The following MTFR1 variants were observed in gnomAD, a reference collection of about 807,000 sequenced individuals.
The protein encoded by MTFR1 is mitochondrial fission regulator 1, also known as chondrocyte protein with a poly-proline region.
In MTFR1, 28 loss-of-function variants were observed where a neutral mutation model predicts 38.8. The ratio of observed to expected loss-of-function variants is 0.72; its 90% CI spans 0.53 to 0.99. The LOEUF is 0.99. MTFR1 is among the 50% of genes least tolerant of loss of function. The pLI, the probability that MTFR1 is intolerant of heterozygous loss-of-function variation, is 0.00. For synonymous variants in MTFR1, 145 were observed against 137.0 expected (o/e 1.06, Z -0.41); for missense variants, 358 against 395.5 (o/e 0.91, Z 0.81).
At chr8:65,651,963 A>AT (rs142634799) in intron 1 of MTFR1, among the ~76,000 whole-genome samples, 25,776 of 142,066 alleles carry the variant, frequency 0.18, 2,380 homozygotes, top group Middle Eastern at 0.23. Flanking sequence ...GCCCCCTTTA[A>AT]TTTTTTTTTT....
intron 2 of MTFR1, among the ~76,000 whole-genome samples, chr8:65,680,016 G>A (rs1257101386): frequency 6.6e-6 from 1 of 152,158 alleles, no homozygotes; most frequent in African/African-American, 2.4e-5. Context: ...ATTGGAGTCA[G>A]TATAGGTTAT....
At chr8:65,666,274 G>T (rs959199528) in intron 1 of MTFR1, among the ~76,000 whole-genome samples, 10 of 148,738 alleles carry the variant, frequency 6.7e-5, no homozygotes, top group African/African-American at 2.5e-4. Context: ...GGGTGTGGTG[G>T]CGCATGCCTG....
In MTFR1 at chr8:65,704,801, T is replaced by C. The variant is rs1805729635; in HGVS notation, c.389T>C (p.Leu130Pro). The part of the protein sequence containing the change: ...LPDLSQEEPQ[L>P]KTPALANEEA... ...GACTTGTCTCAAGAAGAGCCTCAGC[T>C]GAAGACCCCAGCGCTGGCAAATGAG... Residue 130 changes from leucine (L) to proline (P), a missense_variant, in exon 5 of 8, where the codon CTG becomes CCG. Physicochemically the swap from Leu to Pro is moderately conservative, Grantham distance 98. Transcript: ENST00000262146. 1.9e-6 allele frequency: 3 copies of C among 1,614,120 alleles called. No homozygotes were observed. In the South Asian group the frequency reaches 3.3e-5, roughly 18 times the overall value.
chr8:65,663,817 C>T (rs1186338182), intron 1 of MTFR1, among the ~76,000 whole-genome samples: 77 of 96,154 alleles, frequency 8.0e-4, no homozygotes, highest in Admixed American at 2.4e-3. Flanking sequence ...TTTTTAATTT[C>T]TTTTCTTTTT....
In MTFR1 at chr8:65,724,415, C is replaced by G. The variant is rs1011121362; in HGVS notation, c.*48+4934C>G. The G allele has an allele frequency of 8.8e-5, 94 of 1,063,244 alleles. 1 individual carries two copies. The highest frequency in any genetic ancestry group is 1.2e-4 in the Non-Finnish European group (87 of 698,616). The allele number at this position is 1,063,244 out of a possible 1,614,324, so 65.9% of individuals were successfully genotyped here. A position where few individuals can be genotyped will look rare whatever the true frequency, so the allele number is the denominator to read the frequency against. On this transcript the variant is annotated intron_variant, in intron 3 of 3. Coordinates refer to the MTFR1 transcript ENST00000521247. ...CACACTTGACAATAATACCAAAGAA[C>G]CAAGTGCAAGGACTGGATTAACCAT...
chr8:65,647,516 G>A (rs1330504523), intron 1 of MTFR1, among the ~76,000 whole-genome samples: 4 of 152,128 alleles, frequency 2.6e-5, no homozygotes, highest in Admixed American at 6.6e-5. Context: ...CACCATGTTG[G>A]CCAGGCTGGT....
intron 1 of MTFR1, among the ~76,000 whole-genome samples, chr8:65,668,184 CT>C (rs200290743): frequency 0.028 from 3,068 of 109,136 alleles, 85 homozygotes; most frequent in African/African-American, 0.093. Flanking sequence ...TTTTTTTTTT[CT>C]TTTTTTTTTT....
At chr8:65,716,162 AAC>A (rs1211323246) in intron 2 of MTFR1, among the ~76,000 whole-genome samples, 2 of 151,422 alleles carry the variant, frequency 1.3e-5, no homozygotes, top group African/African-American at 4.9e-5. Context: ...AAAAAAAAAA[AAC>A]AAAAGGGCTA....
intron 3 of MTFR1, chr8:65,682,701 A>C (rs1472632319): frequency 1.1e-6 from 1 of 893,972 alleles, no homozygotes. Context: ...GCATATAATA[A>C]GCTAAGCAGT....
At chr8:65,695,123 A>C (rs1400116899) in intron 4 of MTFR1, among the ~76,000 whole-genome samples, 1 of 152,232 alleles carries the variant, frequency 6.6e-6, no homozygotes, top group Non-Finnish European at 1.5e-5. Context: ...GAAGAATAGA[A>C]AAGAGCCAGA....
intron 1 of MTFR1, among the ~76,000 whole-genome samples, chr8:65,645,813 G>A (rs1349112282): frequency 6.6e-6 from 1 of 152,046 alleles, no homozygotes; most frequent in Admixed American, 6.6e-5. Flanking sequence ...ACAGGCGGGA[G>A]TCATCGCACC....
intron 3 of MTFR1, among the ~76,000 whole-genome samples, chr8:65,746,631 C>T (rs1807689353): frequency 1.3e-5 from 2 of 152,118 alleles, no homozygotes; most frequent in African/African-American, 4.8e-5. Context: ...CAAAAGTTCA[C>T]TGTTGTATAC....
At chr8:65,672,124 T>C (rs936452820) in intron 2 of MTFR1, among the ~76,000 whole-genome samples, 4 of 152,240 alleles carry the variant, frequency 2.6e-5, no homozygotes, top group African/African-American at 9.6e-5. Context: ...GCTCAAAATA[T>C]TGTAATTACA....
At chr8:65,714,115 C>T (rs1279844952), downstream of MTFR1, among the ~76,000 whole-genome samples, 1 of 151,684 alleles carries the variant, frequency 6.6e-6, no homozygotes, top group East Asian at 1.9e-4. Context: ...TATTATATAA[C>T]ATGTTGCACT....
At chr8:65,755,133 G>C (rs1451947983) in intron 3 of MTFR1, among the ~76,000 whole-genome samples, 1 of 147,190 alleles carries the variant, frequency 6.8e-6, no homozygotes, top group Admixed American at 6.8e-5. Flanking sequence ...TGATTCTCCT[G>C]CCTCAGCCTC....
At chr8:65,679,001 G>A (rs947845690) in intron 2 of MTFR1, among the ~76,000 whole-genome samples, 3 of 152,192 alleles carry the variant, frequency 2.0e-5, no homozygotes, top group Non-Finnish European at 4.4e-5. Context: ...CCTGCAACAT[G>A]CGTAGTGAAG....
Position 65,727,031 on chromosome 8 carries a change from C to T in MTFR1, c.*48+7550C>T, listed in dbSNP as rs867306955. Reference sequence around the variant, plus strand: ...CTCTTTCTGGACATATCATTACTAACAATACTGTTAGCAATATTAATCTGG... The same window carrying T: ...CTCTTTCTGGACATATCATTACTAATAATACTGTTAGCAATATTAATCTGG... On this transcript the variant is annotated intron_variant, in intron 3 of 3. Coordinates refer to the MTFR1 transcript ENST00000521247. 18 of 1,016,148 alleles carry T rather than the reference C, an allele frequency of 1.8e-5. No homozygotes were observed. In the Middle Eastern group the frequency reaches 1.7e-3, roughly 94 times the overall value. 62.9% of individuals were successfully genotyped at this position (1,016,148 alleles called of 1,614,324 possible). A position where few individuals can be genotyped will look rare whatever the true frequency, so the allele number is the denominator to read the frequency against.
intron 3 of MTFR1, among the ~76,000 whole-genome samples, chr8:65,740,550 G>A (rs971455840): frequency 8.6e-5 from 13 of 152,004 alleles, no homozygotes; most frequent in Admixed American, 5.9e-4. Flanking sequence ...ACAGGCACCC[G>A]CCACCAAGCC....
rs1332397044 is a variant in MTFR1, at chr8:65,707,114, G to A, written c.622G>A (p.Val208Ile). 1 of 1,613,852 alleles carries A rather than the reference G, an allele frequency of 6.2e-7. No homozygotes were observed. Among genetic ancestry groups the A allele is most frequent in the East Asian group, 2.2e-5 (1 of 44,856 alleles). ...ALGLHQSTSAVDLIKERREKR... is the reference protein window; with the variant it reads ...ALGLHQSTSAIDLIKERREKR... ...GGGGCTCCACCAAAGTACATCTGCT[G>A]TTGATCTGATTAAAGAACGAAGAGA... Residue 208 changes from valine (V) to isoleucine (I), a missense_variant, in exon 6 of 8, where the codon GTT (valine) becomes ATT (isoleucine). Coordinates refer to ENST00000262146, the MANE Select transcript of MTFR1 (RefSeq NM_014637.4).
Sources: gnomAD v4.1 joint callset for allele counts (sites outside exome capture counted in the v4.1 genomes callset) on GRCh38, gnomAD v4.1.1 for gene constraint, MANE v1.5 for transcripts, NCBI Gene and HGNC (gene_info 2026-07-23, HGNC 2026-07-21) for gene names.